CAPN7: variants seen among roughly 807,000 people sequenced by gnomAD.
CAPN7 encodes the protein calpain 7, also known as calpain-7.
In CAPN7, 72 loss-of-function variants were observed where a neutral mutation model predicts 115.2. The ratio of observed to expected loss-of-function variants is 0.63; its 90% CI spans 0.52 to 0.76. The LOEUF (loss-of-function observed/expected upper bound fraction) is 0.76, where lower values mean the gene tolerates loss of function less well. Ranked by LOEUF, CAPN7 falls within the 30% of genes least tolerant of loss-of-function variation. The probability of loss-of-function intolerance (pLI) is 0.00; values close to 1 mark genes in which losing one functional copy is unlikely to be tolerated. For missense variants in CAPN7, 905 were observed against 971.5 expected (o/e 0.93, Z 0.91); for synonymous variants, 344 against 322.3 (o/e 1.07, Z -0.72).
chr3:15,213,139 T>C (rs975227914), intron 2 of CAPN7, among the ~76,000 whole-genome samples: 2 of 152,220 alleles, frequency 1.3e-5, no homozygotes, highest in Non-Finnish European at 2.9e-5. Context: ...TCATATAAAA[T>C]TCAAAGGAAC....
rs769682409 is a variant in CAPN7 at position 15,217,506 on chromosome 3, T to C, written c.293T>C (p.Phe98Ser). 8 of 1,613,924 alleles carry C rather than the reference T, an allele frequency of 5.0e-6. No homozygotes were observed. In the South Asian group the frequency reaches 8.8e-5, roughly 18 times the overall value. ...ERAHFLVTQA[F>S]DEDEKENVED... Reference sequence around the variant, plus strand: ...GCTCATTTCCTTGTTACACAAGCTTTTGATGAAGATGAAAAAGAGAATGTT... The same window carrying C: ...GCTCATTTCCTTGTTACACAAGCTTCTGATGAAGATGAAAAAGAGAATGTT... The change falls in exon 3 of 21, where the codon TTT becomes TCT. Residue 98 changes from phenylalanine to serine, a missense_variant. Coordinates refer to ENST00000253693, the MANE Select transcript of CAPN7 (RefSeq NM_014296.3).
intron 9 of CAPN7, among the ~76,000 whole-genome samples, chr3:15,230,755 G>A (rs1007034291): frequency 1.6e-4 from 24 of 152,170 alleles, no homozygotes; most frequent in Non-Finnish European, 8.8e-5. Flanking sequence ...TTGAGAAAAT[G>A]TATACAGTTT....
At chr3:15,211,925 A>G (rs2044977015) in intron 1 of CAPN7, among the ~76,000 whole-genome samples, 179 bp from the exon 2 acceptor site, 1 of 152,174 alleles carries the variant, frequency 6.6e-6, no homozygotes, top group South Asian at 2.1e-4. Flanking sequence ...AGAACATTGA[A>G]TACTGAAGAA....
At chr3:15,222,070 CAAA>C (rs58470950) in intron 5 of CAPN7, among the ~76,000 whole-genome samples, 18 of 135,482 alleles carry the variant, frequency 1.3e-4, no homozygotes, top group East Asian at 2.2e-4. Context: ...TTACATGCAT[CAAA>C]AAAAAAAAAA....
At chr3:15,249,322 A>ATT (rs11372496) in intron 19 of CAPN7, among the ~76,000 whole-genome samples, 1 of 151,772 alleles carries the variant, frequency 6.6e-6, no homozygotes, top group African/African-American at 2.4e-5. Flanking sequence ...TAGAGTTGTC[A>ATT]TTTTTTTTAA....
At chr3:15,241,198 C>G (rs912057903) in intron 14 of CAPN7, among the ~76,000 whole-genome samples, 1 of 152,132 alleles carries the variant, frequency 6.6e-6, no homozygotes, top group Non-Finnish European at 1.5e-5. Flanking sequence ...GAGCAAGACT[C>G]TGTCTCAAAA....
intron 1 of CAPN7, among the ~76,000 whole-genome samples, chr3:15,211,342 T>C (rs2044932077): frequency 6.6e-6 from 1 of 152,198 alleles, no homozygotes; most frequent in East Asian, 1.9e-4. Flanking sequence ...TTAAATCTGA[T>C]CTATTGCATA....
chr3:15,230,141 G>A (rs1442255841), intron 8 of CAPN7, among the ~76,000 whole-genome samples: 1 of 152,082 alleles, frequency 6.6e-6, no homozygotes, highest in Non-Finnish European at 1.5e-5. Flanking sequence ...TATTTTAACT[G>A]GCTTAAAATA....
At chr3:15,209,796 CTTACA>C (rs966696311) in intron 1 of CAPN7, among the ~76,000 whole-genome samples, 3 of 152,176 alleles carry the variant, frequency 2.0e-5, no homozygotes, top group African/African-American at 7.2e-5. Context: ...TTCCTATAGA[CTTACA>C]TACATGTCAG....
intron 2 of CAPN7, among the ~76,000 whole-genome samples, chr3:15,216,230 A>G (rs2045241213): frequency 6.6e-6 from 1 of 152,228 alleles, no homozygotes; most frequent in Non-Finnish European, 1.5e-5. Context: ...TGTTTTCCAG[A>G]GTGGCTACAT....
chr3:15,245,169 C>A (rs1695583860), intron 16 of CAPN7, among the ~76,000 whole-genome samples: 1 of 147,918 alleles, frequency 6.8e-6, no homozygotes. Flanking sequence ...TTTTTATATA[C>A]TTCTTTTTAT....
chr3:15,240,933 A>C (rs1695305926), intron 14 of CAPN7, 80 bp downstream of exon 14: 1 of 885,208 alleles, frequency 1.1e-6, no homozygotes, highest in Non-Finnish European at 1.8e-6. Context: ...TGCCAGGCGC[A>C]GTGGCTCATG....
chr3:15,222,529 T>C lies in CAPN7; in HGVS notation c.639-946T>C, dbSNP rs557282285. Among the ~76,000 whole-genome samples, 6 of 152,354 alleles carry C rather than the reference T, an allele frequency of 3.9e-5. No individual in the cohort carries two copies. In the East Asian group the frequency reaches 1.2e-3, roughly 29 times the overall value. On this transcript the variant is annotated intron_variant, in intron 5 of 20. Coordinates refer to ENST00000253693, the MANE Select transcript of CAPN7 (RefSeq NM_014296.3). ...AGAGCATTTTTCTTTCCTTTCCTGC[T>C]GAAGATTGTAATTGTACTCCTGCTA... is the stretch of plus-strand genomic sequence containing the variant.
At chr3:15,213,849 G>A (rs2045088762) in intron 2 of CAPN7, among the ~76,000 whole-genome samples, 2 of 151,340 alleles carry the variant, frequency 1.3e-5, no homozygotes, top group Admixed American at 1.3e-4. Context: ...GAAGAATAAA[G>A]ACTTGCCAGT....
intron 16 of CAPN7, among the ~76,000 whole-genome samples, chr3:15,244,521 T>C (rs552285102): frequency 6.6e-6 from 1 of 152,316 alleles, no homozygotes; most frequent in South Asian, 2.1e-4. Context: ...TTCTTTACTC[T>C]TCTCACTAGA....
chr3:15,246,865 CATTTTATTGTTT>C, intron 18 of CAPN7, 71 bp downstream of exon 18: 1 of 1,169,122 alleles, frequency 8.6e-7, no homozygotes, highest in East Asian at 2.4e-5. Context: ...CCATTTCTCT[CATTTTATTGTTT>C]ATATTTAGCA....
chr3:15,207,641 CTT>C (rs1189037417), intron 1 of CAPN7, among the ~76,000 whole-genome samples: 4 of 142,454 alleles, frequency 2.8e-5, no homozygotes, highest in Middle Eastern at 3.4e-3. Flanking sequence ...TTTTTTGTTT[CTT>C]TTTTTTTTTT....
intron 19 of CAPN7, among the ~76,000 whole-genome samples, chr3:15,248,549 T>C (rs1435973686): frequency 6.6e-6 from 1 of 152,202 alleles, no homozygotes; most frequent in Non-Finnish European, 1.5e-5. Flanking sequence ...GGAGTTGCAA[T>C]TAGGAATATA....
intron 2 of CAPN7, among the ~76,000 whole-genome samples, chr3:15,216,104 T>C (rs111343413): frequency 0.036 from 5,485 of 152,018 alleles, 154 homozygotes; most frequent in East Asian, 0.15. Context: ...AAAAAATTCA[T>C]GTACAGATTT....
Sources: gnomAD v4.1 joint callset for allele counts (sites outside exome capture counted in the v4.1 genomes callset) on GRCh38, gnomAD v4.1.1 for gene constraint, MANE v1.5 for transcripts, NCBI Gene and HGNC (gene_info 2026-07-23, HGNC 2026-07-21) for gene names.